The following ENOX2 variants were observed in gnomAD, a reference collection of about 807,000 sequenced individuals.
The protein encoded by ENOX2 is APK1 antigen.
A neutral mutation model predicts 45.0 loss-of-function variants in ENOX2; 36 were observed. The ratio of observed to expected loss-of-function variants is 0.80; its 90% CI spans 0.61 to 1.06. The LOEUF (loss-of-function observed/expected upper bound fraction) is 1.06, where lower values mean the gene tolerates loss of function less well. Ranked by LOEUF, ENOX2 falls within the 50% of genes least tolerant of loss-of-function variation. ENOX2 has a pLI of 0.00. For synonymous variants in ENOX2, 174 were observed against 152.3 expected (o/e 1.14, Z -1.05); for missense variants, 423 against 462.5 (o/e 0.91, Z 0.78).
At chrX:130,804,863 C>T (rs1432655741) in intron 2 of ENOX2, among the ~76,000 whole-genome samples, 2 of 111,745 alleles carry the variant, frequency 1.8e-5, no homozygotes, top group Admixed American at 9.5e-5. Flanking sequence ...TTCCACTTAA[C>T]TATGGTCTGA....
chrX:130,637,485 G>T, intron 10 of ENOX2, 75 bp from the exon 11 acceptor site: 1 of 936,600 alleles, frequency 1.1e-6, no homozygotes, highest in Non-Finnish European at 1.5e-6. Context: ...CAAAAAGGTT[G>T]GTTCTTCCTC....
intron 2 of ENOX2, among the ~76,000 whole-genome samples, chrX:130,872,422 T>C (rs763366416): frequency 2.7e-5 from 3 of 111,989 alleles, no homozygotes; most frequent in South Asian, 7.4e-4. Flanking sequence ...TAATATTGCA[T>C]GTTTCCGCAT....
chrX:130,872,072 G>T (rs1422176003), intron 2 of ENOX2, among the ~76,000 whole-genome samples: 2 of 112,014 alleles, frequency 1.8e-5, no homozygotes, highest in Non-Finnish European at 3.8e-5. Flanking sequence ...ATCACTGGGG[G>T]TAGCAAATGC....
At chrX:130,721,575 T>C (rs2038478934) in intron 3 of ENOX2, among the ~76,000 whole-genome samples, 1 of 111,808 alleles carries the variant, frequency 8.9e-6, no homozygotes, top group African/African-American at 3.3e-5. Context: ...AGACCTCACT[T>C]TGCCTTGTCT....
At chrX:130,802,629 G>T (rs1348069015) in intron 2 of ENOX2, among the ~76,000 whole-genome samples, 2 of 111,615 alleles carry the variant, frequency 1.8e-5, no homozygotes, top group Admixed American at 9.5e-5. Context: ...CAGCAAGCCA[G>T]TGGCAGAGTT....
chrX:130,706,331 A>G (rs924104165), intron 3 of ENOX2, among the ~76,000 whole-genome samples: 3 of 112,019 alleles, frequency 2.7e-5, no homozygotes, highest in South Asian at 3.8e-4. Context: ...AGCTGCTGCA[A>G]TGGGTTTGGG....
At chrX:130,723,736 G>A (rs973909121) in intron 3 of ENOX2, among the ~76,000 whole-genome samples, 2 of 111,457 alleles carry the variant, frequency 1.8e-5, no homozygotes, top group Non-Finnish European at 3.8e-5. Flanking sequence ...TTGTTTCCCA[G>A]GAACTGAACA....
intron 4 of ENOX2, among the ~76,000 whole-genome samples, chrX:130,694,604 T>C (rs902706410): frequency 5.2e-4 from 53 of 101,465 alleles, no homozygotes; most frequent in African/African-American, 1.4e-3. Context: ...TCTTTTCTTT[T>C]TTTTTTTTTT....
chrX:130,828,119 C>T (rs1383272964), intron 2 of ENOX2, among the ~76,000 whole-genome samples: 2 of 111,862 alleles, frequency 1.8e-5, no homozygotes, highest in African/African-American at 6.5e-5. Context: ...GGTAAGATCA[C>T]AATTATTACC....
At chrX:130,646,428 A>G in intron 10 of ENOX2, 1 of 193,104 alleles carries the variant, frequency 5.2e-6, no homozygotes, top group East Asian at 1.6e-4. Context: ...CGTGGGAAGA[A>G]GACAAAGGCA....
At chrX:130,787,432 T>C (rs1031087119) in intron 2 of ENOX2, among the ~76,000 whole-genome samples, 33 of 111,965 alleles carry the variant, frequency 2.9e-4, no homozygotes, top group Non-Finnish European at 5.5e-4. Context: ...CTACTACTAT[T>C]ATAACATTGA....
rs7066504 is a variant in ENOX2 at position 130,854,761 on chromosome X, A to C, written c.-183+46923T>G. ...GCTTATTACAGGGATGCAAGGCTGG[A>C]TCAATATTCAAAAAATCAATCAATG... On this transcript the variant is annotated intron_variant, in intron 2 of 14. Transcript: ENST00000394363. 4.4e-3 allele frequency among the ~76,000 whole-genome samples: 496 copies of C among 112,041 alleles called. 2 individuals are homozygous for C. Among genetic ancestry groups the C allele is most frequent in the African/African-American group, 0.015 (474 of 30,894 alleles).
At chrX:130,781,936 G>A (rs1338325647) in intron 3 of ENOX2, among the ~76,000 whole-genome samples, 1 of 111,364 alleles carries the variant, frequency 9.0e-6, no homozygotes, top group Non-Finnish European at 1.9e-5. Flanking sequence ...AAAGACCACC[G>A]CAGCGTAGAA....
intron 2 of ENOX2, among the ~76,000 whole-genome samples, chrX:130,849,468 A>G (rs907311058): frequency 1.8e-5 from 2 of 112,416 alleles, no homozygotes; most frequent in Non-Finnish European, 3.8e-5. Context: ...CCACCACCAT[A>G]CAACCATCAC....
intron 6 of ENOX2, among the ~76,000 whole-genome samples, chrX:130,676,773 G>A (rs1280124048): frequency 9.0e-6 from 1 of 111,085 alleles, no homozygotes; most frequent in East Asian, 2.8e-4. Flanking sequence ...TCAAACCTTT[G>A]TTACCTTTTC....
intron 12 of ENOX2, among the ~76,000 whole-genome samples, chrX:130,632,786 G>A (rs373848106): frequency 8.9e-6 from 1 of 111,951 alleles, no homozygotes; most frequent in Non-Finnish European, 1.9e-5. Flanking sequence ...GTAGTCAGAG[G>A]GGAACCCTTT....
chrX:130,836,237 C>T (rs1345869672), intron 2 of ENOX2, among the ~76,000 whole-genome samples: 1 of 111,873 alleles, frequency 8.9e-6, no homozygotes, highest in African/African-American at 3.3e-5. Flanking sequence ...AAGTCTCAGA[C>T]TTTGTTTCTG....
At chrX:130,736,644 A>G (rs2038868143) in intron 3 of ENOX2, among the ~76,000 whole-genome samples, 1 of 111,872 alleles carries the variant, frequency 8.9e-6, no homozygotes, top group African/African-American at 3.3e-5. Flanking sequence ...ATTTACAAAA[A>G]CAGGTAGTGG....
At chrX:130,733,884 T>C (rs1240452175) in intron 3 of ENOX2, among the ~76,000 whole-genome samples, 3 of 112,193 alleles carry the variant, frequency 2.7e-5, no homozygotes, top group Non-Finnish European at 5.6e-5. Context: ...TTGTAAAACG[T>C]TACTGGGTAA....
Sources: gnomAD v4.1 joint callset for allele counts (sites outside exome capture counted in the v4.1 genomes callset) on GRCh38, gnomAD v4.1.1 for gene constraint, MANE v1.5 for transcripts, NCBI Gene and HGNC (gene_info 2026-07-23, HGNC 2026-07-21) for gene names.